The following ODAD2 variants were observed in gnomAD, a reference collection of about 807,000 sequenced individuals.
The protein encoded by ODAD2 is outer dynein arm docking complex subunit 2, also known as outer dynein arm-docking complex subunit 2.
In ODAD2, 89 loss-of-function variants were observed where a neutral mutation model predicts 106.8. That is an observed-to-expected ratio of 0.83 (90% CI 0.70 to 0.99). The LOEUF is 0.99. ODAD2 is among the 50% of genes least tolerant of loss of function. The pLI is 0.00. For missense variants in ODAD2, 1,168 were observed against 1,238.5 expected, an observed-to-expected ratio of 0.94 and a Z score of 0.85; for synonymous variants, 404 against 436.2, an observed-to-expected ratio of 0.93 and a Z score of 0.92.
In ODAD2 at chr10:27,885,801, TAAAATATATA is replaced by T. The variant is rs1482248164; in HGVS notation, c.2610+21852_2610+21861del. On this transcript the variant is annotated intron_variant, in intron 17 of 19. Transcript: ENST00000305242. ...AAATATATATTATATATAATATATA[TAAAATATATA>T]TTATATATAATATATAAATATATAT... 3.9e-4 allele frequency among the ~76,000 whole-genome samples: 35 copies of T among 90,500 alleles called. 1 individual carries two copies. The highest frequency in any genetic ancestry group is 1.4e-3 in the African/African-American group (32 of 22,484). The allele number at this position is 90,500 out of a possible 152,430, so 59.4% of individuals were successfully genotyped here.
chr10:27,817,940 A>T lies in ODAD2; in HGVS notation c.3022-5315T>A, dbSNP rs111853627. Reference sequence around the variant, plus strand: ...ATGAAATTTAGACGATTTCTTCTAGATACATACTTCGCACCATTCACCATT... The same window carrying T: ...ATGAAATTTAGACGATTTCTTCTAGTTACATACTTCGCACCATTCACCATT... On this transcript the variant is annotated intron_variant, in intron 19 of 19. Transcript: ENST00000305242. 3.5e-3 allele frequency among the ~76,000 whole-genome samples: 537 copies of T among 152,116 alleles called. 2 individuals carry two copies. Among genetic ancestry groups the T allele is most frequent in the African/African-American group, 0.012 (511 of 41,484 alleles).
intron 19 of ODAD2, among the ~76,000 whole-genome samples, chr10:27,830,788 C>T (rs1837416443): frequency 6.6e-6 from 1 of 152,186 alleles, no homozygotes; most frequent in Non-Finnish European, 1.5e-5. Context: ...CAATACTGAT[C>T]TTACTTTAAT....
At chr10:27,855,752 T>C (rs1448132437) in intron 19 of ODAD2, among the ~76,000 whole-genome samples, 1 of 152,210 alleles carries the variant, frequency 6.6e-6, no homozygotes, top group African/African-American at 2.4e-5. Flanking sequence ...AGCTAGCCTG[T>C]TGGCTGTACC....
chr10:27,853,126 T>C (rs958072585), intron 19 of ODAD2: 4 of 156,006 alleles, frequency 2.6e-5, no homozygotes, highest in African/African-American at 9.7e-5. Flanking sequence ...CCCAGCACTT[T>C]GGGAGGCCGA....
At chr10:27,895,037 G>A (rs947901939) in intron 17 of ODAD2, among the ~76,000 whole-genome samples, 3 of 84,174 alleles carry the variant, frequency 3.6e-5, no homozygotes, top group South Asian at 4.6e-4. Context: ...CTAGTCATCG[G>A]TACGAAAAAA....
intron 2 of ODAD2, among the ~76,000 whole-genome samples, chr10:27,989,519 G>A (rs1460840417): frequency 3.9e-5 from 6 of 152,170 alleles, no homozygotes; most frequent in South Asian, 2.1e-4. Context: ...GCCACCACAC[G>A]AAGTGGATGG....
chr10:27,841,128 T>C (rs541166553), intron 19 of ODAD2, among the ~76,000 whole-genome samples: 40 of 152,336 alleles, frequency 2.6e-4, no homozygotes, highest in Admixed American at 1.7e-3. Flanking sequence ...TTAAGCCTAA[T>C]ATTCTAATAT....
At chr10:27,816,221 T>A (rs1308509055) in intron 19 of ODAD2, among the ~76,000 whole-genome samples, 1 of 152,236 alleles carries the variant, frequency 6.6e-6, no homozygotes, top group African/African-American at 2.4e-5. Context: ...TCTGATGAAC[T>A]ATTCATACTG....
chr10:27,885,884 G>GATATATATATTTATATATAAAAAT (rs1564467118), intron 17 of ODAD2, among the ~76,000 whole-genome samples: 7 of 100,122 alleles, frequency 7.0e-5, no homozygotes, highest in Non-Finnish European at 1.1e-4. Flanking sequence ...TATTTGTTTG[G>GATATATATATTTATATATAAAAAT]ATATATATAT....
chr10:27,909,582 C>G (rs142933661), intron 16 of ODAD2, among the ~76,000 whole-genome samples: 1 of 151,924 alleles, frequency 6.6e-6, no homozygotes, highest in African/African-American at 2.4e-5. Context: ...CTTTGAGAGG[C>G]GAAGGCAGGC....
At chr10:27,974,037 T>C (rs1333365794) in intron 7 of ODAD2, among the ~76,000 whole-genome samples, 1 of 152,234 alleles carries the variant, frequency 6.6e-6, no homozygotes, top group Non-Finnish European at 1.5e-5. Flanking sequence ...TAATCAGTGA[T>C]ATTGAGCTTT....
At chr10:27,845,256 G>A (rs1336158522) in intron 19 of ODAD2, among the ~76,000 whole-genome samples, 1 of 152,142 alleles carries the variant, frequency 6.6e-6, no homozygotes, top group East Asian at 1.9e-4. Context: ...AAGAGAGTGG[G>A]GGCTGATATT....
At chr10:27,838,483 A>G (rs1435403161) in intron 19 of ODAD2, among the ~76,000 whole-genome samples, 3 of 152,204 alleles carry the variant, frequency 2.0e-5, no homozygotes, top group Non-Finnish European at 4.4e-5. Context: ...TATTTCTCAC[A>G]AGTTTAAAGA....
chr10:27,973,539 A>C (rs933768466), intron 7 of ODAD2, among the ~76,000 whole-genome samples: 1 of 151,964 alleles, frequency 6.6e-6, no homozygotes, highest in Non-Finnish European at 1.5e-5. Flanking sequence ...CTTTGTGTCC[A>C]TGTGTTCTCA....
intron 16 of ODAD2, among the ~76,000 whole-genome samples, chr10:27,916,003 T>C (rs1167425204): frequency 6.6e-6 from 1 of 152,104 alleles, no homozygotes; most frequent in Non-Finnish European, 1.5e-5. Context: ...TCTCTCTAAG[T>C]GTAGGGGGAA....
chr10:27,834,078 C>T (rs931904090), intron 19 of ODAD2, among the ~76,000 whole-genome samples: 3 of 152,186 alleles, frequency 2.0e-5, no homozygotes, highest in Non-Finnish European at 4.4e-5. Context: ...TTGGACATCC[C>T]GGTGTGTCAC....
intron 19 of ODAD2, among the ~76,000 whole-genome samples, chr10:27,829,461 A>T (rs74127112): frequency 9.9e-5 from 15 of 152,186 alleles, no homozygotes; most frequent in Admixed American, 2.6e-4. Flanking sequence ...GTATCTTCAG[A>T]GTCTGTCTTG....
chr10:27,825,097 G>A (rs1161854305), intron 19 of ODAD2, among the ~76,000 whole-genome samples: 1 of 152,074 alleles, frequency 6.6e-6, no homozygotes, highest in Non-Finnish European at 1.5e-5. Context: ...TAGTTGCTTG[G>A]GCTGAAAATC....
chr10:27,856,177 A>T (rs573499714), intron 19 of ODAD2, among the ~76,000 whole-genome samples: 1 of 152,238 alleles, frequency 6.6e-6, no homozygotes, highest in Admixed American at 6.5e-5. Flanking sequence ...TTGTAATGAT[A>T]CAAATCCCTG....
Sources: allele counts gnomAD v4.1 joint callset (sites outside exome capture counted in the v4.1 genomes callset), GRCh38; gene constraint gnomAD v4.1.1; transcripts MANE v1.5; gene names NCBI Gene and HGNC (gene_info 2026-07-23, HGNC 2026-07-21).